UST: variants seen among roughly 807,000 people sequenced by gnomAD.
The protein encoded by UST is chondroitin sulfate 2-O-sulfotransferase.
UST carries 21 observed loss-of-function variants against 45.6 expected under a neutral mutation model. The ratio of observed to expected loss-of-function variants is 0.46; its 90% CI spans 0.33 to 0.66. The LOEUF (loss-of-function observed/expected upper bound fraction) is 0.66. Ranked by LOEUF, UST falls within the 30% of genes least tolerant of loss-of-function variation. The pLI is 0.02. For synonymous variants in UST, 215 were observed against 200.6 expected, an observed-to-expected ratio of 1.07 and a Z score of -0.61; for missense variants, 463 against 512.4, an observed-to-expected ratio of 0.90 and a Z score of 0.93.
intron 1 of UST, among the ~76,000 whole-genome samples, chr6:148,813,086 A>G (rs1582827732): frequency 6.6e-6 from 1 of 152,148 alleles, no homozygotes; most frequent in Admixed American, 6.5e-5. Flanking sequence ...ATGTATTTAC[A>G]TTGTAAGATT....
intron 1 of UST, among the ~76,000 whole-genome samples, chr6:148,881,360 C>A (rs1778819771): frequency 1.3e-5 from 2 of 152,132 alleles, no homozygotes; most frequent in African/African-American, 2.4e-5. Flanking sequence ...CACTGTAATT[C>A]ATGATCCCCA....
intron 1 of UST, among the ~76,000 whole-genome samples, chr6:148,775,367 A>AGGTG (rs1776510640): frequency 6.6e-6 from 1 of 152,170 alleles, no homozygotes; most frequent in Non-Finnish European, 1.5e-5. Context: ...GGATGGAGCG[A>AGGTG]GGTGGTGGTC....
chr6:148,953,228 G>A (rs1351273876), intron 3 of UST, among the ~76,000 whole-genome samples: 1 of 152,084 alleles, frequency 6.6e-6, no homozygotes, highest in African/African-American at 2.4e-5. Context: ...ATAAGATAAT[G>A]ACTAACCTCC....
intron 1 of UST, among the ~76,000 whole-genome samples, chr6:148,853,910 A>G (rs1440408084): frequency 6.6e-6 from 1 of 152,162 alleles, no homozygotes; most frequent in East Asian, 1.9e-4. Flanking sequence ...CTGCATACCC[A>G]AAATACTGGG....
rs185848599 is a variant in UST at position 148,953,639 on chromosome 6, C to T, written c.448-233C>T. Reference sequence around the variant, plus strand: ...ACAAAAAATTAGCCGGGCGTGGTGGCGGGCGCCTGTAGTCCCAGCTACTCA... The same window carrying T: ...ACAAAAAATTAGCCGGGCGTGGTGGTGGGCGCCTGTAGTCCCAGCTACTCA... On this transcript the variant is annotated intron_variant, in intron 3 of 7. Coordinates refer to ENST00000367463, the MANE Select transcript of UST (RefSeq NM_005715.3). Among the ~76,000 whole-genome samples, 730 of 151,986 alleles carry T rather than the reference C, an allele frequency of 4.8e-3. 4 individuals are homozygous for T. Among genetic ancestry groups the T allele is most frequent in the African/African-American group, 0.016 (668 of 41,422 alleles).
intron 1 of UST, among the ~76,000 whole-genome samples, chr6:148,868,394 T>TA (rs1398537782): frequency 6.6e-6 from 1 of 152,216 alleles, no homozygotes; most frequent in Non-Finnish European, 1.5e-5. Context: ...ACAGAGCTAG[T>TA]GCTGGCCTTT....
intron 1 of UST, among the ~76,000 whole-genome samples, chr6:148,827,052 G>A (rs1251805208): frequency 1.3e-5 from 2 of 152,044 alleles, no homozygotes; most frequent in African/African-American, 4.8e-5. Flanking sequence ...ATCATTGAGG[G>A]CCATTATTCT....
At chr6:149,010,908 A>C (rs866257914) in intron 5 of UST, among the ~76,000 whole-genome samples, 2 of 104,734 alleles carry the variant, frequency 1.9e-5, no homozygotes, top group East Asian at 3.2e-4. Context: ...AAAAAAAAAA[A>C]AAAAAAAAAA....
At chr6:148,782,676 C>G (rs888654407) in intron 1 of UST, among the ~76,000 whole-genome samples, 2 of 152,108 alleles carry the variant, frequency 1.3e-5, no homozygotes, top group African/African-American at 4.8e-5. Flanking sequence ...GTCTCTCGAA[C>G]TCCTGATCTC....
chr6:148,897,574 C>T (rs1402865969), intron 2 of UST, among the ~76,000 whole-genome samples: 1 of 151,872 alleles, frequency 6.6e-6, no homozygotes, highest in Non-Finnish European at 1.5e-5. Flanking sequence ...TCACTGTAGC[C>T]TTGACCTCCT....
At chr6:148,841,515 A>C (rs1323917230) in intron 1 of UST, among the ~76,000 whole-genome samples, 3 of 151,338 alleles carry the variant, frequency 2.0e-5, no homozygotes, top group Non-Finnish European at 4.4e-5. Flanking sequence ...ACTATTTAAA[A>C]ATTTCAAAGC....
At chr6:148,815,159 G>T (rs977749645) in intron 1 of UST, among the ~76,000 whole-genome samples, 1 of 152,216 alleles carries the variant, frequency 6.6e-6, no homozygotes, top group African/African-American at 2.4e-5. Flanking sequence ...ACAAAGTAGA[G>T]CATATACATG....
At chr6:148,985,069 G>A (rs936421850) in intron 5 of UST, among the ~76,000 whole-genome samples, 11 of 152,130 alleles carry the variant, frequency 7.2e-5, no homozygotes, top group African/African-American at 1.7e-4. Context: ...ATAACGGGAC[G>A]GATGTGCAGG....
At chr6:148,866,103 G>T (rs985855917) in intron 1 of UST, among the ~76,000 whole-genome samples, 1 of 142,980 alleles carries the variant, frequency 7.0e-6, no homozygotes, top group Admixed American at 7.0e-5. Flanking sequence ...ATTCTTCCCT[G>T]CTTTTTTCCA....
At chr6:148,890,756 G>A (rs184084746) in intron 2 of UST, among the ~76,000 whole-genome samples, 18 of 152,162 alleles carry the variant, frequency 1.2e-4, no homozygotes, top group Admixed American at 7.2e-4. Flanking sequence ...AGCTCACCTC[G>A]GTTTTTGAAC....
In UST at chr6:149,045,671, C is replaced by G. The variant is rs146560993; in HGVS notation, c.937+24190C>G. Among the ~76,000 whole-genome samples the G allele has an allele frequency of 5.9e-5, 9 of 152,292 alleles. No homozygotes were observed. In the East Asian group the frequency reaches 1.7e-3, roughly 29 times the overall value. On this transcript the variant is annotated intron_variant, in intron 7 of 7. Transcript: ENST00000367463. The stretch of plus-strand genomic sequence containing the variant: ...CACTATTGCCCTCTCATATACAGAA[C>G]ATCTCTCTCCTGCAGTTGAAAGACT...
At chr6:148,874,966 C>G (rs1180547053) in intron 1 of UST, among the ~76,000 whole-genome samples, 2 of 152,216 alleles carry the variant, frequency 1.3e-5, no homozygotes, top group Non-Finnish European at 2.9e-5. Context: ...GCCTGGACTC[C>G]CGGGGCGACA....
intron 2 of UST, among the ~76,000 whole-genome samples, chr6:148,891,087 T>C (rs1779009666): frequency 6.6e-6 from 1 of 152,142 alleles, no homozygotes; most frequent in African/African-American, 2.4e-5. Context: ...ATAATTTGAG[T>C]TCATTAAAGT....
intron 6 of UST, among the ~76,000 whole-genome samples, chr6:149,020,271 T>G (rs1278672365): frequency 1.3e-5 from 2 of 152,170 alleles, no homozygotes; most frequent in East Asian, 3.9e-4. Flanking sequence ...GGTTTTTGAC[T>G]TCACCATAAG....
Sources: gnomAD v4.1 joint callset for allele counts (sites outside exome capture counted in the v4.1 genomes callset) on GRCh38, gnomAD v4.1.1 for gene constraint, MANE v1.5 for transcripts, NCBI Gene and HGNC (gene_info 2026-07-23, HGNC 2026-07-21) for gene names.